Variants in OSBPL10 observed in about 807,000 individuals in gnomAD.
OSBPL10 encodes oxysterol binding protein like 10, also known as oxysterol-binding protein-related protein 10.
OSBPL10 carries 49 observed loss-of-function variants against 81.7 expected under a neutral mutation model. The observed-to-expected ratio is 0.60, with a 90% CI of 0.48 to 0.76. OSBPL10 has a LOEUF of 0.76. Among genes scored for constraint, OSBPL10 ranks in the 30% least tolerant of loss-of-function variants. The pLI is 0.00. For synonymous variants in OSBPL10, 419 were observed against 383.6 expected (o/e 1.09, Z -1.08); for missense variants, 923 against 987.8 (o/e 0.93, Z 0.88).
chr3:31,718,822 G>A (rs1008887338), intron 6 of OSBPL10: 8 of 152,034 alleles, frequency 5.3e-5, no homozygotes, highest in Admixed American at 6.6e-5. Flanking sequence ...CATCAGACCC[G>A]GGATGGGGAC....
chr3:31,906,692 T>C (rs1271877747), intron 1 of OSBPL10, among the ~76,000 whole-genome samples: 1 of 152,226 alleles, frequency 6.6e-6, no homozygotes, highest in Non-Finnish European at 1.5e-5. Flanking sequence ...CCACACTGGC[T>C]ACTCCTCTCC....
At chr3:31,956,908 A>T (rs974025276) in intron 1 of OSBPL10, among the ~76,000 whole-genome samples, 3 of 151,956 alleles carry the variant, frequency 2.0e-5, no homozygotes, top group Non-Finnish European at 4.4e-5. Context: ...TGAGGTGGGC[A>T]GATTGCTTGA....
chr3:32,054,042 G>A (rs1699688801), intron 1 of OSBPL10, among the ~76,000 whole-genome samples: 2 of 152,250 alleles, frequency 1.3e-5, no homozygotes, highest in Non-Finnish European at 2.9e-5. Flanking sequence ...GAAAAAGAAG[G>A]GAAAGACAAG....
At chr3:31,670,058 CATG>C (rs1395531304) in intron 9 of OSBPL10, among the ~76,000 whole-genome samples, 2 of 152,336 alleles carry the variant, frequency 1.3e-5, no homozygotes, top group African/African-American at 4.8e-5. Flanking sequence ...CAACTACCAA[CATG>C]ATAGCACTGA....
At chr3:31,907,933 A>G (rs995809091) in intron 1 of OSBPL10, among the ~76,000 whole-genome samples, 21 of 152,154 alleles carry the variant, frequency 1.4e-4, no homozygotes, top group African/African-American at 4.8e-4. Context: ...GAGAAAAATA[A>G]AACAGGCTAC....
At chr3:31,766,275 A>T (rs977690066) in intron 4 of OSBPL10, among the ~76,000 whole-genome samples, 3 of 149,670 alleles carry the variant, frequency 2.0e-5, no homozygotes, top group African/African-American at 4.9e-5. Context: ...ACTTCAACAT[A>T]GGGTCTTCCC....
intron 10 of OSBPL10, among the ~76,000 whole-genome samples, chr3:31,665,166 CAGGATGTCCTTGGGACCAGCCTGT>C (rs1166119171): frequency 6.6e-5 from 10 of 152,188 alleles, no homozygotes; most frequent in African/African-American, 2.2e-4. Context: ...CTTTCCTCCT[CAGGATGTCCTTGGGACCAGCCTGT>C]ATTCAGACAC....
chr3:32,010,391 G>A (rs187839483), intron 2 of OSBPL10, among the ~76,000 whole-genome samples: 40 of 152,264 alleles, frequency 2.6e-4, no homozygotes, highest in African/African-American at 9.6e-4. Context: ...GGATTCAAAA[G>A]CCAGTTGTGG....
chr3:31,759,946 G>A (rs1902339), intron 4 of OSBPL10, among the ~76,000 whole-genome samples: 30,297 of 152,040 alleles, frequency 0.2, 3,075 homozygotes, highest in Non-Finnish European at 0.21. Flanking sequence ...ATTTTTAGTA[G>A]AGACAGGGTT....
chr3:32,023,713 G>T (rs1575087401), intron 2 of OSBPL10, among the ~76,000 whole-genome samples: 2 of 152,204 alleles, frequency 1.3e-5, no homozygotes, highest in South Asian at 4.2e-4. Context: ...CTGCTTCATT[G>T]CCTTACAATA....
intron 5 of OSBPL10, among the ~76,000 whole-genome samples, chr3:31,742,683 T>C (rs1367745624): frequency 6.6e-6 from 1 of 152,150 alleles, no homozygotes; most frequent in Non-Finnish European, 1.5e-5. Context: ...ACTCAAACCA[T>C]GTTACCTAGA....
chr3:31,809,869 C>CTTTT (rs34795137), intron 4 of OSBPL10, among the ~76,000 whole-genome samples: 23,658 of 98,160 alleles, frequency 0.24, 3,191 homozygotes, highest in East Asian at 0.53. Context: ...CCCCCTGACT[C>CTTTT]TTTTTTTTTT....
intron 4 of OSBPL10, among the ~76,000 whole-genome samples, chr3:31,768,962 G>A (rs1227142412): frequency 6.6e-6 from 1 of 152,064 alleles, no homozygotes; most frequent in East Asian, 1.9e-4. Context: ...GCCCCCTGCT[G>A]ACAAAAGAAT....
At chr3:31,971,045 C>A (rs948766718) in intron 1 of OSBPL10, among the ~76,000 whole-genome samples, 16 of 152,126 alleles carry the variant, frequency 1.1e-4, no homozygotes, top group African/African-American at 3.9e-4. Flanking sequence ...AGCAGCTGCT[C>A]CCACTCCCAG....
chr3:31,980,800 C>A, intron 1 of OSBPL10, 99 bp downstream of exon 1: 1 of 1,344,550 alleles, frequency 7.4e-7, no homozygotes, highest in Non-Finnish European at 9.6e-7. Context: ...GGCACAATCG[C>A]GCGCGCACAC....
At chr3:31,920,002 G>A (rs1010968549) in intron 1 of OSBPL10, among the ~76,000 whole-genome samples, 1 of 152,202 alleles carries the variant, frequency 6.6e-6, no homozygotes, top group African/African-American at 2.4e-5. Flanking sequence ...CAGAGGAGCA[G>A]AATAATAGAA....
intron 3 of OSBPL10, among the ~76,000 whole-genome samples, chr3:31,833,678 T>C (rs866554181): frequency 2.0e-5 from 3 of 147,384 alleles, no homozygotes; most frequent in South Asian, 2.2e-4. Context: ...AATATCAAGA[T>C]TGTAGGGAAA....
At chr3:31,694,698 G>C (rs1695662113) in intron 7 of OSBPL10, among the ~76,000 whole-genome samples, 2 of 152,048 alleles carry the variant, frequency 1.3e-5, no homozygotes. Context: ...AATTCTTTAA[G>C]ACTCATAGAA....
intron 1 of OSBPL10, among the ~76,000 whole-genome samples, chr3:31,931,053 A>G (rs1209018399): frequency 6.7e-6 from 1 of 150,122 alleles, no homozygotes; most frequent in Non-Finnish European, 1.5e-5. Flanking sequence ...ATAGTAAAAA[A>G]GAGTGCTCAC....
Sources: allele counts gnomAD v4.1 joint callset (sites outside exome capture counted in the v4.1 genomes callset), GRCh38; gene constraint gnomAD v4.1.1; transcripts MANE v1.5; gene names NCBI Gene and HGNC (gene_info 2026-07-23, HGNC 2026-07-21).